NYAP1: variants seen among roughly 807,000 people sequenced by gnomAD.
NYAP1 encodes the protein neuronal tyrosine-phosphorylated phosphoinositide-3-kinase adapter 1.
A neutral mutation model predicts 58.6 loss-of-function variants in NYAP1; 20 were observed. The ratio of observed to expected loss-of-function variants is 0.34; its 90% CI spans 0.24 to 0.50. The LOEUF is 0.50. Among genes scored for constraint, NYAP1 ranks in the 20% least tolerant of loss-of-function variants. NYAP1 has a pLI of 0.98. For missense variants in NYAP1, 1,150 were observed against 1,194.5 expected (o/e 0.96, Z 0.55); for synonymous variants, 572 against 523.1 (o/e 1.09, Z -1.27).
At chr7:100,491,916 G>A (rs891041892) in intron 6 of NYAP1, among the ~76,000 whole-genome samples, 4 of 152,110 alleles carry the variant, frequency 2.6e-5, no homozygotes, top group South Asian at 2.1e-4. Context: ...GCGTGGTAGC[G>A]CACGCCTGTA....
In NYAP1 at chr7:100,494,687, G is replaced by C. The variant is rs201052474; in HGVS notation, c.*784G>C. ...AGGAGGAGGGAAATTTTAGCGGGTG[G>C]AGGGGGTGGGCAGGGTATTTATTTA... On this transcript the variant is annotated 3_prime_UTR_variant, in exon 7 of 7. Coordinates refer to ENST00000300179, the MANE Select transcript of NYAP1 (RefSeq NM_173564.4). 1.4e-5 allele frequency: 2 copies of C among 145,708 alleles called. No individual in the cohort carries two copies. The highest frequency in any genetic ancestry group is 4.1e-4 in the East Asian group (2 of 4,840). 9.0% of individuals were successfully genotyped at this position (145,708 alleles called of 1,614,324 possible). A position where few individuals can be genotyped will look rare whatever the true frequency, so the allele number is the denominator to read the frequency against.
In NYAP1 at chr7:100,486,398, A is replaced by G. The variant is rs558684053; in HGVS notation, c.69-423A>G. On this transcript the variant is annotated intron_variant, in intron 2 of 6. Coordinates refer to ENST00000300179, the MANE Select transcript of NYAP1 (RefSeq NM_173564.4). This position sits in a 1 kb window ranked among gnomAD's most constrained non-coding sequence, Gnocchi z 6.2. ...GGTGTGCCGTGGGGGCAGAGGTCAC[A>G]GTGGCTGGGCAGGAGGGGTAACCAG... Among the ~76,000 whole-genome samples the G allele has an allele frequency of 6.6e-6, 1 of 152,216 alleles. No homozygotes were observed. The highest frequency in any genetic ancestry group is 2.4e-5 in the African/African-American group (1 of 41,536).
chr7:100,488,989 A>T lies in NYAP1; in HGVS notation c.1268A>T (p.Glu423Val). Reference protein sequence around the residue: ...QGSGQPRGERELPNSHSMICP... With the variant: ...QGSGQPRGERVLPNSHSMICP... ...TCTGGCCAGCCCCGGGGGGAGCGGG[A>T]GCTCCCCAACTCCCACAGCATGATC... The change falls in exon 4 of 7, where the codon GAG (glutamate) becomes GTG (valine). Residue 423 changes from glutamate to valine, a missense_variant. Physicochemically the swap from Glu to Val is moderately radical, Grantham distance 121. Transcript: ENST00000300179. This position sits in a 1 kb window ranked among gnomAD's most constrained non-coding sequence, Gnocchi z 5.9. The T allele has an allele frequency of 6.4e-7, 1 of 1,572,222 alleles. No homozygotes were observed. Among genetic ancestry groups the T allele is most frequent in the East Asian group, 2.3e-5 (1 of 44,356 alleles).
Position 100,489,122 on chromosome 7 carries a change from C to T in NYAP1, c.1401C>T (p.Val467=). 1 of 1,598,122 alleles carries T rather than the reference C, an allele frequency of 6.3e-7. No individual in the cohort carries two copies. The highest frequency in any genetic ancestry group is 1.1e-5 in the South Asian group (1 of 88,886). ...CTTACACCATGGTGTACTCGGCGGTCAAGGTGACCACGCACTCTGTCCTGC... is the reference window on the plus strand; with the variant it reads ...CTTACACCATGGTGTACTCGGCGGTTAAGGTGACCACGCACTCTGTCCTGC... The part of the protein sequence containing the change: ...AVSYTMVYSA[V]KVTTHSVLPA... The change falls in exon 4 of 7, where the codon GTC becomes GTT. Residue 467 remains valine (V), a synonymous_variant. Transcript: ENST00000300179.
rs751534337 is a variant in NYAP1 at position 100,485,356 on chromosome 7, C to T, written c.45C>T (p.His15=). ...AAACCAAGCTGGAGTGGAGGCAGCA[C>T]AAGGAAGAGGAGGCCAAGAGGAGGT... ...YRKTKLEWRQ[H]KEEEAKRSSS... Residue 15 remains histidine (H), a synonymous_variant, in exon 2 of 7, where the codon CAC becomes CAT. Coordinates refer to ENST00000300179, the MANE Select transcript of NYAP1 (RefSeq NM_173564.4). The surrounding 1 kb of genome is among the most constrained non-coding windows in gnomAD (Gnocchi z 5.7). The T allele has an allele frequency of 9.4e-6, 15 of 1,603,738 alleles. No homozygotes were observed. In the East Asian group the frequency reaches 2.9e-4, roughly 31 times the overall value.
In NYAP1 at chr7:100,488,204, G is replaced by A. The variant is rs749239453; in HGVS notation, c.483G>A (p.Pro161=). 20 of 1,612,492 alleles carry A rather than the reference G, an allele frequency of 1.2e-5. No homozygotes were observed. The highest frequency in any genetic ancestry group is 8.8e-5 in the South Asian group (8 of 90,926). The change falls in exon 4 of 7, where the codon CCG becomes CCA. Residue 161 remains proline (P), a synonymous_variant. Coordinates refer to ENST00000300179, the MANE Select transcript of NYAP1 (RefSeq NM_173564.4). This position sits in a 1 kb window ranked among gnomAD's most constrained non-coding sequence, Gnocchi z 5.9. Reference sequence around the variant, plus strand: ...GAGAGTCCAGCCGGAAGGTTCCTCCGCAGAAGCCCAGGCGAAGCCCTAACA... The same window carrying A: ...GAGAGTCCAGCCGGAAGGTTCCTCCACAGAAGCCCAGGCGAAGCCCTAACA... ...EGRESSRKVP[P]QKPRRSPNTQ...
At position 100,490,400 on chromosome 7, in the gene NYAP1, A is replaced by T; in HGVS notation, c.1946-117A>T. 2 of 915,022 alleles carry T rather than the reference A, an allele frequency of 2.2e-6. No homozygotes were observed. Among genetic ancestry groups the T allele is most frequent in the Non-Finnish European group, 3.5e-6 (2 of 574,784 alleles). The allele number at this position is 915,022 out of a possible 1,614,324, so 56.7% of individuals were successfully genotyped here. The stretch of plus-strand genomic sequence containing the variant: ...GTGAAGGAGCCCCATCCCAGCCGTT[A>T]CTTGCAAAAGGGGCAATTGTGTCTC... On this transcript the variant is annotated intron_variant, in intron 4 of 6. Coordinates refer to ENST00000300179, the MANE Select transcript of NYAP1 (RefSeq NM_173564.4). This position sits in a 1 kb window ranked among gnomAD's most constrained non-coding sequence, Gnocchi z 4.6.
At position 100,487,282 on chromosome 7, in the gene NYAP1, C is replaced by T; in HGVS notation, c.430+100C>T. 8.0e-7 allele frequency: 1 copy of T among 1,256,324 alleles called. No individual in the cohort carries two copies. Among genetic ancestry groups the T allele is most frequent in the Non-Finnish European group, 1.1e-6 (1 of 947,578 alleles). The allele number at this position is 1,256,324 out of a possible 1,614,324, so 77.8% of individuals were successfully genotyped here. On this transcript the variant is annotated intron_variant, in intron 3 of 6. Transcript: ENST00000300179. This position sits in a 1 kb window ranked among gnomAD's most constrained non-coding sequence, Gnocchi z 4.1. ...CCGGGAGGGTTCATTCAGGGAAGAA[C>T]CAAGGAAGTGGAAGATTCCATTCTC...
Position 100,485,290 on chromosome 7 carries a change from C to T in NYAP1, c.-22C>T, listed in dbSNP as rs555006356. ...GGTGGCACTGAGCAGGGCCCCCCAGCCCCCACCTCCTGCCCCACGAGATGA... is the reference window on the plus strand; with the variant it reads ...GGTGGCACTGAGCAGGGCCCCCCAGTCCCCACCTCCTGCCCCACGAGATGA... On this transcript the variant is annotated 5_prime_UTR_variant, in exon 2 of 7. Transcript: ENST00000300179. This position sits in a 1 kb window ranked among gnomAD's most constrained non-coding sequence, Gnocchi z 5.7. 1 of 1,558,842 alleles carries T rather than the reference C, an allele frequency of 6.4e-7. No individual in the cohort carries two copies. Among genetic ancestry groups the T allele is most frequent in the Non-Finnish European group, 8.7e-7 (1 of 1,144,652 alleles).
In NYAP1 at chr7:100,488,270, C is replaced by A; in HGVS notation, c.549C>A (p.Gly183=). ...SVSFDESCPP[G]PSPRGGNLPL... ...CCTTCGATGAGTCCTGCCCCCCAGG[C>A]CCCTCTCCTCGAGGGGGGAACCTGC... is the stretch of plus-strand genomic sequence containing the variant. Residue 183 remains glycine (G), a synonymous_variant, in exon 4 of 7, where the codon GGC becomes GGA. Coordinates refer to ENST00000300179, the MANE Select transcript of NYAP1 (RefSeq NM_173564.4). This position sits in a 1 kb window ranked among gnomAD's most constrained non-coding sequence, Gnocchi z 5.9. 2 of 1,613,936 alleles carry A rather than the reference C, an allele frequency of 1.2e-6. No homozygotes were observed. The highest frequency in any genetic ancestry group is 1.7e-6 in the Non-Finnish European group (2 of 1,179,922).
intron 6 of NYAP1, among the ~76,000 whole-genome samples, chr7:100,491,501 G>C (rs1383378282): frequency 6.6e-6 from 1 of 152,018 alleles, no homozygotes; most frequent in African/African-American, 2.4e-5. Flanking sequence ...GGAGGTTGAG[G>C]TAGGAAGATG....
rs932174048 is a variant in NYAP1, at chr7:100,494,163, C to G, written c.*260C>G. 9.0e-6 allele frequency: 4 copies of G among 443,618 alleles called. No homozygotes were observed. The highest frequency in any genetic ancestry group is 8.5e-5 in the Admixed American group (2 of 23,454). The allele number at this position is 443,618 out of a possible 1,614,324, so 27.5% of individuals were successfully genotyped here. ...CGAGAGTCGCTCTGGCTGTTCTTCC[C>G]GCTGGGCGTTGTACACCCCTCCTCC... On this transcript the variant is annotated 3_prime_UTR_variant, in exon 7 of 7. Coordinates refer to ENST00000300179, the MANE Select transcript of NYAP1 (RefSeq NM_173564.4).
rs1041524019 is a variant in NYAP1 at position 100,489,232 on chromosome 7, G to T, written c.1511G>T (p.Arg504Met). The part of the protein sequence containing the change: ...VLHGMLCTSS[R>M]PPVPGKTSPH... The stretch of plus-strand genomic sequence containing the variant: ...CATGGGATGCTGTGTACCAGCTCAA[G>T]GCCCCCTGTGCCAGGGAAGACCAGC... The change falls in exon 4 of 7, where the codon AGG becomes ATG. Residue 504 changes from arginine (R) to methionine (M), a missense_variant. Coordinates refer to ENST00000300179, the MANE Select transcript of NYAP1 (RefSeq NM_173564.4). 1.9e-6 allele frequency: 3 copies of T among 1,607,304 alleles called. No individual in the cohort carries two copies. In the African/African-American group the frequency reaches 4.0e-5, roughly 21 times the overall value.
In NYAP1 at chr7:100,485,455, G is replaced by A. The variant is rs67040465; in HGVS notation, c.68+76G>A. 217,214 of 1,196,924 alleles carry A rather than the reference G, an allele frequency of 0.18. 20,764 individuals are homozygous for A. Among genetic ancestry groups the A allele is most frequent in the Middle Eastern group, 0.21 (896 of 4,348 alleles). 74.1% of individuals were successfully genotyped at this position (1,196,924 alleles called of 1,614,324 possible). Reference sequence around the variant, plus strand: ...CCCTCACTGGGCCACAGCCCTTCTCGGGGGCCGGCAGCCTTGTCATGAGTG... The same window carrying A: ...CCCTCACTGGGCCACAGCCCTTCTCAGGGGCCGGCAGCCTTGTCATGAGTG... On this transcript the variant is annotated intron_variant, in intron 2 of 6. Transcript: ENST00000300179. This position sits in a 1 kb window ranked among gnomAD's most constrained non-coding sequence, Gnocchi z 5.7.
In NYAP1 at chr7:100,487,242, G is replaced by T. The variant is rs546247841; in HGVS notation, c.430+60G>T. ...TGGGAGCTGGGAGGATCTATTCCACGCCCGGGGAGGCTTGCCGGGAGGGTT... is the reference window on the plus strand; with the variant it reads ...TGGGAGCTGGGAGGATCTATTCCACTCCCGGGGAGGCTTGCCGGGAGGGTT... On this transcript the variant is annotated intron_variant, in intron 3 of 6. Coordinates refer to ENST00000300179, the MANE Select transcript of NYAP1 (RefSeq NM_173564.4). This position sits in a 1 kb window ranked among gnomAD's most constrained non-coding sequence, Gnocchi z 4.1. 26 of 1,438,250 alleles carry T rather than the reference G, an allele frequency of 1.8e-5. No homozygotes were observed. Among genetic ancestry groups the T allele is most frequent in the Middle Eastern group, 1.9e-4 (1 of 5,388 alleles). The allele number at this position is 1,438,250 out of a possible 1,614,324, so 89.1% of individuals were successfully genotyped here. A position where few individuals can be genotyped will look rare whatever the true frequency, so the allele number is the denominator to read the frequency against.
Position 100,487,651 on chromosome 7 carries a change from G to A in NYAP1, c.430+469G>A, listed in dbSNP as rs1245858512. On this transcript the variant is annotated intron_variant, in intron 3 of 6. Transcript: ENST00000300179. The surrounding 1 kb of genome is among the most constrained non-coding windows in gnomAD (Gnocchi z 4.1). The stretch of plus-strand genomic sequence containing the variant: ...CAGGTAGCTGGGATTACAGGCGTCC[G>A]TCACCACGCCCGGCTAATTTTTTGT... 6.6e-6 allele frequency among the ~76,000 whole-genome samples: 1 copy of A among 152,112 alleles called. No individual in the cohort carries two copies. The highest frequency in any genetic ancestry group is 1.5e-5 in the Non-Finnish European group (1 of 68,000).
In NYAP1 at chr7:100,485,496, G is replaced by A; in HGVS notation, c.68+117G>A. On this transcript the variant is annotated intron_variant, in intron 2 of 6. Transcript: ENST00000300179. The surrounding 1 kb of genome is among the most constrained non-coding windows in gnomAD (Gnocchi z 5.7). ...GTCATGAGTGAGCTCTCTGATCTCA[G>A]AGTCAGTACGGAATGGCCAGGATTG... 1 of 758,410 alleles carries A rather than the reference G, an allele frequency of 1.3e-6. No individual in the cohort carries two copies. The highest frequency in any genetic ancestry group is 2.2e-6 in the Non-Finnish European group (1 of 447,636). 47.0% of individuals were successfully genotyped at this position (758,410 alleles called of 1,614,324 possible).
Position 100,494,535 on chromosome 7 carries a change from C to G in NYAP1, c.*632C>G, listed in dbSNP as rs955720922. 1 of 152,086 alleles carries G rather than the reference C, an allele frequency of 6.6e-6. No homozygotes were observed. Among genetic ancestry groups the G allele is most frequent in the Non-Finnish European group, 1.5e-5 (1 of 67,998 alleles). 9.4% of individuals were successfully genotyped at this position (152,086 alleles called of 1,614,324 possible). On this transcript the variant is annotated 3_prime_UTR_variant, in exon 7 of 7. Coordinates refer to ENST00000300179, the MANE Select transcript of NYAP1 (RefSeq NM_173564.4). The stretch of plus-strand genomic sequence containing the variant: ...AGAAGGGGCCCAGGGAAGCAGAGGG[C>G]CCAAGACCATTCACAGTATTTACAA...
In NYAP1 at chr7:100,490,497, T is replaced by C; in HGVS notation, c.1946-20T>C. On this transcript the variant is annotated intron_variant, in intron 4 of 6. Coordinates refer to ENST00000300179, the MANE Select transcript of NYAP1 (RefSeq NM_173564.4). The surrounding 1 kb of genome is among the most constrained non-coding windows in gnomAD (Gnocchi z 4.6). ...CGCCTCCAACATGCAGGCACACAGCTCTCCTTGTCATCCCAGCAGAGGTCG... is the reference window on the plus strand; with the variant it reads ...CGCCTCCAACATGCAGGCACACAGCCCTCCTTGTCATCCCAGCAGAGGTCG... The C allele has an allele frequency of 6.4e-7, 1 of 1,565,424 alleles. No individual in the cohort carries two copies. Among genetic ancestry groups the C allele is most frequent in the Non-Finnish European group, 8.7e-7 (1 of 1,154,500 alleles).
Sources: allele counts gnomAD v4.1 joint callset (sites outside exome capture counted in the v4.1 genomes callset), GRCh38; gene constraint gnomAD v4.1.1; non-coding constraint Gnocchi (gnomAD v3.1); transcripts MANE v1.5; gene names NCBI Gene and HGNC (gene_info 2026-07-23, HGNC 2026-07-21).